APBA2: variants seen among roughly 807,000 people sequenced by gnomAD.
APBA2 encodes the protein amyloid-beta A4 precursor protein-binding family A member 2.
APBA2 carries 30 observed loss-of-function variants against 75.0 expected under a neutral mutation model. That is an observed-to-expected ratio of 0.40 (90% CI 0.30 to 0.54). The LOEUF (loss-of-function observed/expected upper bound fraction) is 0.54, where lower values mean the gene tolerates loss of function less well. Among genes scored for constraint, APBA2 ranks in the 20% least tolerant of loss-of-function variants. The pLI, the probability that APBA2 is intolerant of heterozygous loss-of-function variation, is 0.49. For missense variants in APBA2, 801 were observed against 1,016.1 expected (o/e 0.79, Z 2.88); for synonymous variants, 444 against 409.6 (o/e 1.08, Z -1.01).
At chr15:29,114,841 TG>T (rs2044982051) in intron 14 of APBA2, among the ~76,000 whole-genome samples, 1 of 149,468 alleles carries the variant, frequency 6.7e-6, no homozygotes, top group African/African-American at 2.5e-5. Flanking sequence ...TGTGAGAGCA[TG>T]GGGTGTGTAG....
intron 6 of APBA2, among the ~76,000 whole-genome samples, chr15:29,078,601 A>C (rs1595906887): frequency 6.8e-6 from 1 of 146,988 alleles, no homozygotes. Flanking sequence ...GCAGAGCAAG[A>C]CTCCATCTCA....
intron 2 of APBA2, among the ~76,000 whole-genome samples, chr15:28,978,289 C>T (rs1410046914): frequency 6.6e-6 from 1 of 152,200 alleles, no homozygotes; most frequent in Non-Finnish European, 1.5e-5. Flanking sequence ...TGAGCCTGGC[C>T]CTGCAACTTG....
In APBA2 at chr15:29,038,874, A is replaced by G. The variant is rs550574500; in HGVS notation, c.-40-14971A>G. Among the ~76,000 whole-genome samples, 191 of 151,386 alleles carry G rather than the reference A, an allele frequency of 1.3e-3. 4 individuals carry two copies. In the South Asian group the frequency reaches 0.038, roughly 30 times the overall value. On this transcript the variant is annotated intron_variant, in intron 3 of 14. Coordinates refer to ENST00000683413, the MANE Select transcript of APBA2 (RefSeq NM_001353788.2). Reference sequence around the variant, plus strand: ...TGTTTAGTAGAGACAGGATTTCACTATGTTGGCCAGGCTGGTCTCAAACTC... The same window carrying G: ...TGTTTAGTAGAGACAGGATTTCACTGTGTTGGCCAGGCTGGTCTCAAACTC...
intron 2 of APBA2, among the ~76,000 whole-genome samples, chr15:28,955,285 G>T (rs910290457): frequency 6.6e-6 from 1 of 151,980 alleles, no homozygotes. Context: ...CTCACTTGGC[G>T]ATCTGCCTGT....
intron 6 of APBA2, among the ~76,000 whole-genome samples, chr15:29,081,850 G>A (rs1359192225): frequency 6.6e-6 from 1 of 152,240 alleles, no homozygotes; most frequent in Non-Finnish European, 1.5e-5. Context: ...ACAGCCTTGT[G>A]GCTACGCCTT....
At chr15:28,888,664 G>A (rs368889710) in intron 1 of APBA2, among the ~76,000 whole-genome samples, 1 of 152,216 alleles carries the variant, frequency 6.6e-6, no homozygotes, top group Admixed American at 6.5e-5. Flanking sequence ...TGGGTGGCTC[G>A]AATGTCTTCG....
intron 2 of APBA2, among the ~76,000 whole-genome samples, chr15:28,937,652 TTTTTTTTTC>T (rs1287002566): frequency 1.3e-5 from 2 of 151,170 alleles, no homozygotes; most frequent in African/African-American, 4.9e-5. Flanking sequence ...TTTAGTTTCT[TTTTTTTTTC>T]TTTTTTTTCT....
intron 2 of APBA2, among the ~76,000 whole-genome samples, chr15:28,986,227 G>A (rs532555858): frequency 2.0e-5 from 3 of 152,272 alleles, no homozygotes; most frequent in South Asian, 2.1e-4. Context: ...CCCACTCTGC[G>A]TCCTTGCTTG....
chr15:28,945,710 GT>G (rs2035509364), intron 2 of APBA2, among the ~76,000 whole-genome samples: 1 of 152,022 alleles, frequency 6.6e-6, no homozygotes, highest in Admixed American at 6.6e-5. Flanking sequence ...TAGAGACAGG[GT>G]TTTAACATGT....
At chr15:29,071,468 G>A (rs545389638) in intron 4 of APBA2, among the ~76,000 whole-genome samples, 13 of 151,756 alleles carry the variant, frequency 8.6e-5, no homozygotes, top group African/African-American at 2.9e-4. Flanking sequence ...GTTACTCAGC[G>A]ACAGATGGGA....
rs115193198 is a variant in APBA2, at chr15:29,111,336, G to C, written c.2038-2540G>C. Among the ~76,000 whole-genome samples the C allele has an allele frequency of 2.6e-3, 402 of 152,202 alleles. 2 individuals carry two copies. Among genetic ancestry groups the C allele is most frequent in the African/African-American group, 9.5e-3 (395 of 41,508 alleles). ...GGCTCTGCCTCCCTGTCTGTGAAAT[G>C]GGGTCCCACTTCCTTGAGGCCTCAG... On this transcript the variant is annotated intron_variant, in intron 13 of 14. Transcript: ENST00000683413.
rs756587480 is a variant in APBA2 at position 29,106,621 on chromosome 15, G to A, written c.1719G>A (p.Lys573=). 5.0e-6 allele frequency: 8 copies of A among 1,613,208 alleles called. No homozygotes were observed. Among genetic ancestry groups the A allele is most frequent in the Non-Finnish European group, 6.8e-6 (8 of 1,180,018 alleles). The change falls in exon 12 of 15, where the codon AAG becomes AAA. Residue 573 remains lysine (K), a synonymous_variant. Transcript: ENST00000683413. The part of the protein sequence containing the change: ...SENCKELQLE[K]HKGEILGVVV... ...TCCCTTTGCAGCTGCAGCTGGAGAA[G>A]CACAAGGGCGAGATCCTGGGCGTGG...
intron 11 of APBA2, among the ~76,000 whole-genome samples, chr15:29,106,306 T>A (rs1455455554): frequency 7.0e-6 from 1 of 143,576 alleles, no homozygotes; most frequent in Non-Finnish European, 1.5e-5. Flanking sequence ...AGGTCAGTGT[T>A]GGGCACGGGT....
chr15:29,081,318 A>C (rs1358407061), intron 6 of APBA2, among the ~76,000 whole-genome samples: 1 of 152,222 alleles, frequency 6.6e-6, no homozygotes, highest in East Asian at 1.9e-4. Flanking sequence ...GATGTGGCGC[A>C]TTCCAAAGAG....
chr15:29,111,014 G>C (rs1567028917), intron 13 of APBA2, among the ~76,000 whole-genome samples: 1 of 152,146 alleles, frequency 6.6e-6, no homozygotes, highest in Non-Finnish European at 1.5e-5. Context: ...GGTGCGGAAG[G>C]GGGTTTCTCA....
intron 3 of APBA2, among the ~76,000 whole-genome samples, chr15:29,019,131 C>T (rs1566912478): frequency 1.3e-5 from 2 of 152,180 alleles, no homozygotes; most frequent in Non-Finnish European, 2.9e-5. Flanking sequence ...ACAGGTCATG[C>T]TGCAGGCCGG....
chr15:28,908,298 GTTTGT>G (rs1470087091), intron 1 of APBA2, among the ~76,000 whole-genome samples: 2 of 147,388 alleles, frequency 1.4e-5, no homozygotes, highest in Non-Finnish European at 1.5e-5. Flanking sequence ...TGTTGTTTTT[GTTTGT>G]TTTGTTTTCT....
intron 8 of APBA2, among the ~76,000 whole-genome samples, chr15:29,095,697 C>T (rs933378442): frequency 6.6e-6 from 1 of 152,216 alleles, no homozygotes; most frequent in African/African-American, 2.4e-5. Context: ...GTGGGGACTC[C>T]CTCTTCTGGA....
intron 6 of APBA2, among the ~76,000 whole-genome samples, chr15:29,078,823 C>T (rs1227890274): frequency 6.6e-6 from 1 of 152,140 alleles, no homozygotes; most frequent in South Asian, 2.1e-4. Flanking sequence ...CTGAAGTCCA[C>T]ACCAGCTGGA....
Sources: allele counts gnomAD v4.1 joint callset (sites outside exome capture counted in the v4.1 genomes callset), GRCh38; gene constraint gnomAD v4.1.1; transcripts MANE v1.5; gene names NCBI Gene and HGNC (gene_info 2026-07-23, HGNC 2026-07-21).